The following TXLNA variants were observed in gnomAD, a reference collection of about 807,000 sequenced individuals.
TXLNA encodes the protein taxilin alpha.
In TXLNA, 9 loss-of-function variants were observed where a neutral mutation model predicts 61.4. That is an observed-to-expected ratio of 0.15 (90% CI 0.09 to 0.26). The LOEUF (loss-of-function observed/expected upper bound fraction) is 0.26. TXLNA is among the 10% of genes least tolerant of loss of function. TXLNA has a pLI of 1.00. For synonymous variants in TXLNA, 257 were observed against 267.7 expected, an observed-to-expected ratio of 0.96 and a Z score of 0.39; for missense variants, 565 against 688.8, an observed-to-expected ratio of 0.82 and a Z score of 2.01.
chr1:32,189,093 CATT>C (rs1279521157), intron 5 of TXLNA, among the ~76,000 whole-genome samples: 118 of 152,172 alleles, frequency 7.8e-4, no homozygotes, highest in Non-Finnish European at 2.1e-4. Context: ...GCTATCTTCT[CATT>C]ATATGGATAT....
In TXLNA at chr1:32,187,949, C is replaced by T. The variant is rs185838692; in HGVS notation, c.598-5C>T. On this transcript the variant is annotated splice_region_variant and splice_polypyrimidine_tract_variant and intron_variant, in intron 4 of 10. Transcript: ENST00000373610. ...CTCACCTGCCCTCCCTATCCCTGTC[C>T]CCAGCTGGAGGAGCACCGGAATTCA... The T allele has an allele frequency of 4.3e-5, 70 of 1,613,054 alleles. No individual in the cohort carries two copies. The African/African-American group carries it at 8.3e-4, about 19-fold the overall frequency.
intron 5 of TXLNA, among the ~76,000 whole-genome samples, chr1:32,189,821 G>T (rs568849346): frequency 6.6e-6 from 1 of 152,062 alleles, no homozygotes; most frequent in Non-Finnish European, 1.5e-5. Context: ...GATTACAGGC[G>T]TGAGCCACCG....
chr1:32,188,986 T>C (rs541811056), intron 5 of TXLNA, among the ~76,000 whole-genome samples: 2 of 152,318 alleles, frequency 1.3e-5, no homozygotes, highest in East Asian at 3.9e-4. Context: ...AAATCTTACA[T>C]GTAGTTTTTA....
In TXLNA at chr1:32,181,468, G is replaced by A. The variant is rs2124130206; in HGVS notation, c.396G>A (p.Glu132=). Residue 132 remains glutamate (E), a synonymous_variant, in exon 3 of 11, where the codon GAG becomes GAA. Transcript: ENST00000373610. ...EPEPTPVVNG[E]KEPSKGDPNT... ...AACCAACTCCAGTAGTCAATGGAGA[G>A]AAGGAACCCTCCAAGGGGGATCCAA... 1 of 1,613,714 alleles carries A rather than the reference G, an allele frequency of 6.2e-7. No individual in the cohort carries two copies.
At chr1:32,187,826 A>C in intron 4 of TXLNA, 128 bp from the exon 5 acceptor site, 2 of 1,010,132 alleles carry the variant, frequency 2.0e-6, no homozygotes, top group Non-Finnish European at 2.9e-6. Context: ...GCATCAGCCC[A>C]TGAGAGTGCT....
Position 32,188,114 on chromosome 1 carries a change from G to A in TXLNA, c.758G>A (p.Arg253His), listed in dbSNP as rs763944561. The change falls in exon 5 of 11, where the codon CGC becomes CAC. Residue 253 changes from arginine to histidine, a missense_variant. Physicochemically the swap from Arg to His is conservative, Grantham distance 29. Coordinates refer to ENST00000373610, the MANE Select transcript of TXLNA (RefSeq NM_175852.4). ...TGCCGTGAGCTGCAGCGGCACAACC[G>A]CTCCCTCAAGGTAGGCCTGGGCCCC... is the stretch of plus-strand genomic sequence containing the variant. Reference protein sequence around the residue: ...SLCRELQRHNRSLKEEGVQRA... With the variant: ...SLCRELQRHNHSLKEEGVQRA... 17 of 1,559,448 alleles carry A rather than the reference G, an allele frequency of 1.1e-5. No homozygotes were observed. The highest frequency in any genetic ancestry group is 9.7e-5 in the Admixed American group (5 of 51,768).
rs745807376 is a variant in TXLNA, at chr1:32,192,660, C to G, written c.1087C>G (p.Leu363Val). 1 of 1,614,198 alleles carries G rather than the reference C, an allele frequency of 6.2e-7. No homozygotes were observed. The highest frequency in any genetic ancestry group is 8.5e-7 in the Non-Finnish European group (1 of 1,180,034). ...TGGGGTTCTGTCTTGGAAATAGCTCCTGAAAGAGGCAGTAGAGTCCCAGAG... is the reference window on the plus strand; with the variant it reads ...TGGGGTTCTGTCTTGGAAATAGCTCGTGAAAGAGGCAGTAGAGTCCCAGAG... Reference protein sequence around the residue: ...ERHQREKDFLLKEAVESQRMC... With the variant: ...ERHQREKDFLVKEAVESQRMC... Residue 363 changes from leucine (L) to valine (V), a missense_variant, in exon 8 of 11, where the codon CTG becomes GTG. Physicochemically the swap from Leu to Val is conservative, Grantham distance 32. Transcript: ENST00000373610. This position sits in a 1 kb window ranked among gnomAD's most constrained non-coding sequence, Gnocchi z 4.2.
intron 4 of TXLNA, among the ~76,000 whole-genome samples, chr1:32,185,860 G>C (rs185328752): frequency 1.3e-5 from 2 of 150,130 alleles, no homozygotes; most frequent in Non-Finnish European, 3.0e-5. Context: ...CACCATGCCT[G>C]GCTAAATTTT....
intron 2 of TXLNA, 84 bp downstream of exon 2, chr1:32,180,598 G>C (rs1249239246): frequency 6.8e-7 from 1 of 1,465,346 alleles, no homozygotes; most frequent in Non-Finnish European, 9.1e-7. Flanking sequence ...GCCGAGGCCA[G>C]GTTGTCCGGG....
intron 9 of TXLNA, 119 bp downstream of exon 9, chr1:32,193,419 G>A: frequency 1.4e-6 from 1 of 735,642 alleles, no homozygotes; most frequent in Non-Finnish European, 2.4e-6. Context: ...CTGTTAGGAA[G>A]GTTCACAGCC....
chr1:32,184,452 C>A, intron 3 of TXLNA, 73 bp from the exon 4 acceptor site: 1 of 971,722 alleles, frequency 1.0e-6, no homozygotes, highest in Non-Finnish European at 1.6e-6. Context: ...CTTCAGCACT[C>A]ATGAGTGTGA....
At position 32,192,334 on chromosome 1, in the gene TXLNA, C is replaced by T. The variant is rs770873871; in HGVS notation, c.987C>T (p.His329=). ...AGCATATCGACAAAGTCTTCAAACA[C>T]AAGGACCTACAACAGCAGCTGGTGG... The part of the protein sequence containing the change: ...REEHIDKVFK[H]KDLQQQLVDA... Residue 329 remains histidine, a synonymous_variant, in exon 7 of 11, where the codon CAC becomes CAT. Transcript: ENST00000373610. This position sits in a 1 kb window ranked among gnomAD's most constrained non-coding sequence, Gnocchi z 4.2. The T allele has an allele frequency of 1.5e-5, 25 of 1,614,210 alleles. No individual in the cohort carries two copies. The East Asian group carries it at 5.6e-4, about 36-fold the overall frequency.
At position 32,192,533 on chromosome 1, in the gene TXLNA, GC is replaced by G; in HGVS notation, c.1083+104del. ...TATGGGAGAAGTCTGGCCAGACCAG[GC>G]ACAGATTCCTTGAGTACCAGTCTGA... is the stretch of plus-strand genomic sequence containing the variant. On this transcript the variant is annotated intron_variant, in intron 7 of 10. Coordinates refer to ENST00000373610, the MANE Select transcript of TXLNA (RefSeq NM_175852.4). The surrounding 1 kb of genome is among the most constrained non-coding windows in gnomAD (Gnocchi z 4.2). The G allele has an allele frequency of 1.3e-6, 2 of 1,591,770 alleles. No homozygotes were observed. Among genetic ancestry groups the G allele is most frequent in the Non-Finnish European group, 1.7e-6 (2 of 1,164,828 alleles).
rs745417617 is a variant in TXLNA, at chr1:32,181,436, G to A, written c.364G>A (p.Glu122Lys). 1.9e-6 allele frequency: 3 copies of A among 1,614,086 alleles called. No individual in the cohort carries two copies. The highest frequency in any genetic ancestry group is 1.1e-5 in the South Asian group (1 of 91,084). ...KSRTYVARNGEPEPTPVVNGE... is the reference protein window; with the variant it reads ...KSRTYVARNGKPEPTPVVNGE... ...CCGGACCTATGTGGCAAGGAATGGG[G>A]AGCCTGAACCAACTCCAGTAGTCAA... Residue 122 changes from glutamate (E) to lysine (K), a missense_variant, in exon 3 of 11, where the codon GAG (glutamate) becomes AAG (lysine). Coordinates refer to ENST00000373610, the MANE Select transcript of TXLNA (RefSeq NM_175852.4).
intron 4 of TXLNA, among the ~76,000 whole-genome samples, chr1:32,186,149 C>T (rs536498662): frequency 1.7e-3 from 252 of 152,296 alleles, no homozygotes; most frequent in Non-Finnish European, 3.0e-3. Context: ...AAGATAAGCA[C>T]CCTTTTGGAG....
At chr1:32,182,675 AAGAATCT>A (rs1261351967) in intron 3 of TXLNA, among the ~76,000 whole-genome samples, 1 of 150,902 alleles carries the variant, frequency 6.6e-6, no homozygotes, top group African/African-American at 2.4e-5. Context: ...AAAAAAAAAA[AAGAATCT>A]AGAATCTAAG....
At position 32,191,207 on chromosome 1, in the gene TXLNA, G is replaced by A. The variant is rs189279898; in HGVS notation, c.963+958G>A. Among the ~76,000 whole-genome samples the A allele has an allele frequency of 6.6e-5, 10 of 152,162 alleles. No individual in the cohort carries two copies. In the South Asian group the frequency reaches 1.0e-3, roughly 16 times the overall value. On this transcript the variant is annotated intron_variant, in intron 6 of 10. Coordinates refer to ENST00000373610, the MANE Select transcript of TXLNA (RefSeq NM_175852.4). ...TGCCAGTCACCTGGCTGTTCTGGGC[G>A]CGTTCTCATCATGAGAAGGGAGACC...
intron 4 of TXLNA, among the ~76,000 whole-genome samples, chr1:32,185,940 C>T (rs201313312): frequency 9.9e-5 from 15 of 151,940 alleles, no homozygotes; most frequent in African/African-American, 1.2e-4. Flanking sequence ...CCTCGTGATC[C>T]GCCCGTCTCA....
rs112648110 is a variant in TXLNA, at chr1:32,195,977, CTTTT to C, written c.*794_*797del. 1.3e-5 allele frequency: 2 copies of C among 155,232 alleles called. No individual in the cohort carries two copies. Among genetic ancestry groups the C allele is most frequent in the South Asian group, 1.1e-4 (1 of 9,510 alleles). The allele number at this position is 155,232 out of a possible 1,614,324, so 9.6% of individuals were successfully genotyped here. A position where few individuals can be genotyped will look rare whatever the true frequency, so the allele number is the denominator to read the frequency against. On this transcript the variant is annotated 3_prime_UTR_variant, in exon 11 of 11. Coordinates refer to ENST00000373610, the MANE Select transcript of TXLNA (RefSeq NM_175852.4). The stretch of plus-strand genomic sequence containing the variant: ...GGTGTTTTTTTCTTTATTTCTTTTT[CTTTT>C]TTTTTTTTTTTCTTTTTCTTTTTTT...
Sources: allele counts gnomAD v4.1 joint callset (sites outside exome capture counted in the v4.1 genomes callset), GRCh38; gene constraint gnomAD v4.1.1; non-coding constraint Gnocchi (gnomAD v3.1); transcripts MANE v1.5; gene names NCBI Gene and HGNC (gene_info 2026-07-23, HGNC 2026-07-21).